Variants in FRY observed in about 807,000 individuals in gnomAD.
FRY encodes the protein FRY microtubule binding protein, also known as protein furry homolog.
FRY carries 128 observed loss-of-function variants against 348.4 expected under a neutral mutation model. The ratio of observed to expected loss-of-function variants is 0.37; its 90% CI spans 0.32 to 0.43. The LOEUF is 0.43. FRY is among the 20% of genes least tolerant of loss of function. The pLI is 1.00. For missense variants in FRY, 2,736 were observed against 3,695.2 expected (o/e 0.74, Z 6.73); for synonymous variants, 1,370 against 1,374.7 (o/e 1.00, Z 0.08).
intron 55 of FRY, among the ~76,000 whole-genome samples, chr13:32,268,859 A>C (rs1198178739): frequency 6.6e-6 from 1 of 152,100 alleles, no homozygotes; most frequent in Non-Finnish European, 1.5e-5. Context: ...ATAATAAAAA[A>C]TGCTTTTCTT....
chr13:32,224,077 G>A (rs901019763), intron 36 of FRY, among the ~76,000 whole-genome samples, 158 bp from the exon 37 acceptor site: 2 of 149,396 alleles, frequency 1.3e-5, no homozygotes, highest in African/African-American at 5.0e-5. Flanking sequence ...TCCAGCCTGG[G>A]TGCCAGCGAG....
chr13:32,244,799 C>G (rs1412393363), intron 47 of FRY, among the ~76,000 whole-genome samples: 2 of 152,088 alleles, frequency 1.3e-5, no homozygotes, highest in Non-Finnish European at 2.9e-5. Flanking sequence ...CCATAATAAA[C>G]AGTCTTTATG....
intron 22 of FRY, 73 bp downstream of exon 22, chr13:32,179,106 C>G (rs753918681): frequency 3.5e-5 from 40 of 1,137,752 alleles, no homozygotes; most frequent in Non-Finnish European, 5.3e-5. Context: ...GTTCACAGTG[C>G]AAATTGCACT....
rs1377539325 is a variant in FRY, at chr13:32,268,503, AAAATATAT to A, written c.8136+1146_8136+1153del. On this transcript the variant is annotated intron_variant, in intron 55 of 60. Coordinates refer to ENST00000542859, the MANE Select transcript of FRY (RefSeq NM_023037.3). ...AGCTAGTTTAAAAAAAAAAAAAAAAAAAATATATATATATATATATATATATATATATA... is the reference window on the plus strand; with the variant it reads ...AGCTAGTTTAAAAAAAAAAAAAAAAAATATATATATATATATATATATATA... Among the ~76,000 whole-genome samples the A allele has an allele frequency of 3.6e-3, 53 of 14,750 alleles. No individual in the cohort carries two copies. The East Asian group carries it at 0.055, about 15-fold the overall frequency. The allele number at this position is 14,750 out of a possible 152,430, so 9.7% of individuals were successfully genotyped here.
At chr13:32,193,043 A>G (rs1300529755) in intron 28 of FRY, among the ~76,000 whole-genome samples, 1 of 151,798 alleles carries the variant, frequency 6.6e-6, no homozygotes, top group Non-Finnish European at 1.5e-5. Context: ...ACTCTGGGCC[A>G]GAATGTTACT....
rs546030489 is a variant in FRY, at chr13:32,294,607, A to G, written c.8783+37A>G. On this transcript the variant is annotated intron_variant, in intron 60 of 60. Coordinates refer to ENST00000542859, the MANE Select transcript of FRY (RefSeq NM_023037.3). ...ATTTCTTTTAGAGGTGGTTGCAGGA[A>G]ATGCACACCTGGTTGTTACTCTGTC... 5.5e-6 allele frequency: 8 copies of G among 1,442,834 alleles called. No homozygotes were observed. In the South Asian group the frequency reaches 8.0e-5, roughly 14 times the overall value. 89.4% of individuals were successfully genotyped at this position (1,442,834 alleles called of 1,614,324 possible).
chr13:32,147,606 G>C (rs204572), intron 12 of FRY, among the ~76,000 whole-genome samples: 1 of 151,922 alleles, frequency 6.6e-6, no homozygotes, highest in East Asian at 1.9e-4. Flanking sequence ...TCCACTTCCA[G>C]AGTTGCATTT....
intron 10 of FRY, 113 bp from the exon 11 acceptor site, chr13:32,136,758 T>C (rs1187804056): frequency 1.3e-6 from 1 of 772,730 alleles, no homozygotes; most frequent in African/African-American, 1.7e-5. Context: ...GTGTCCTGTT[T>C]CTTGCCCACA....
At chr13:32,182,763 A>G (rs1177927387) in intron 23 of FRY, among the ~76,000 whole-genome samples, 1 of 152,248 alleles carries the variant, frequency 6.6e-6, no homozygotes, top group Non-Finnish European at 1.5e-5. Flanking sequence ...AATTATATGC[A>G]TAGCACTGGA....
chr13:32,042,158 T>A (rs1190014736), intron 1 of FRY, among the ~76,000 whole-genome samples: 2 of 151,658 alleles, frequency 1.3e-5, no homozygotes, highest in African/African-American at 4.9e-5. Flanking sequence ...GTCAACCACT[T>A]TATGAAAAGA....
In FRY at chr13:32,182,971, C is replaced by G. The variant is rs757438613; in HGVS notation, c.2997-6C>G. The G allele has an allele frequency of 4.9e-5, 78 of 1,587,636 alleles. No homozygotes were observed. Among genetic ancestry groups the G allele is most frequent in the Non-Finnish European group, 6.6e-5 (76 of 1,156,828 alleles). On this transcript the variant is annotated splice_region_variant and splice_polypyrimidine_tract_variant and intron_variant, in intron 23 of 60. Coordinates refer to ENST00000542859, the MANE Select transcript of FRY (RefSeq NM_023037.3). ...GAATTTCAAATTTGACCTTTTTCCT[C>G]CACAGAGAATTGGTAGAAGAACTTC...
In FRY at chr13:32,074,396, G is replaced by A. The variant is rs879387869; in HGVS notation, c.71-4438G>A. Among the ~76,000 whole-genome samples the A allele has an allele frequency of 5.1e-3, 783 of 152,158 alleles. 3 individuals are homozygous for A. The highest frequency in any genetic ancestry group is 0.017 in the Middle Eastern group (5 of 294). On this transcript the variant is annotated intron_variant, in intron 1 of 60. Transcript: ENST00000542859. ...TATAAAGAGAAGACAAATTTCAAACGGATTCAATAATTAGAAACCTAATTA... is the reference window on the plus strand; with the variant it reads ...TATAAAGAGAAGACAAATTTCAAACAGATTCAATAATTAGAAACCTAATTA...
chr13:32,247,428 A>G lies in FRY; in HGVS notation c.6934A>G (p.Ile2312Val), dbSNP rs200808337. ...GCACAGTGACCTCTCAAAAATAGAA[A>G]TACATCGAGTGTGGACTAGTGCTTC... The part of the protein sequence containing the change: ...YQHSDLSKIE[I>V]HRVWTSASKE... The change falls in exon 48 of 61, where the codon ATA (isoleucine) becomes GTA (valine). Residue 2312 changes from isoleucine to valine, a missense_variant. Ile to Val is a conservative substitution (Grantham distance 29, BLOSUM62 3). Transcript: ENST00000542859. 5.6e-6 allele frequency: 9 copies of G among 1,613,668 alleles called. No individual in the cohort carries two copies. The highest frequency in any genetic ancestry group is 7.6e-6 in the Non-Finnish European group (9 of 1,179,546).
chr13:32,045,757 G>A (rs976351257), intron 1 of FRY, among the ~76,000 whole-genome samples: 12 of 152,164 alleles, frequency 7.9e-5, no homozygotes, highest in Non-Finnish European at 1.6e-4. Flanking sequence ...GGCCAGAGAT[G>A]AGGTAGGAGT....
intron 1 of FRY, among the ~76,000 whole-genome samples, chr13:32,048,330 TG>T (rs1873138253): frequency 6.6e-6 from 1 of 152,206 alleles, no homozygotes; most frequent in African/African-American, 2.4e-5. Flanking sequence ...ATCTTAGCTC[TG>T]AAGTCTCTTT....
intron 28 of FRY, among the ~76,000 whole-genome samples, chr13:32,193,417 T>C (rs1306781432): frequency 1.3e-5 from 2 of 151,962 alleles, no homozygotes; most frequent in Admixed American, 6.6e-5. Context: ...GGCATCAAAA[T>C]GTTTAGGTGA....
At chr13:32,052,579 T>G (rs1239036062) in intron 1 of FRY, among the ~76,000 whole-genome samples, 3 of 152,196 alleles carry the variant, frequency 2.0e-5, no homozygotes, top group Non-Finnish European at 4.4e-5. Flanking sequence ...TAATAAAATA[T>G]TTTACCTTCT....
Position 32,289,818 on chromosome 13 carries a change from T to TTTATAACTGCCCAAG in FRY, c.8580+77_8580+91dup. ...TTTTGTTCTTCCTCACTCCACCCCT[T>TTTATAACTGCCCAAG]TTATAACTGCCCAAGTGATTTTATT... On this transcript the variant is annotated intron_variant, in intron 59 of 60. Transcript: ENST00000542859. 5 of 794,678 alleles carry TTTATAACTGCCCAAG rather than the reference T, an allele frequency of 6.3e-6. No homozygotes were observed. The South Asian group carries it at 6.8e-5, about 11-fold the overall frequency. The allele number at this position is 794,678 out of a possible 1,614,324, so 49.2% of individuals were successfully genotyped here.
chr13:32,075,330 C>G (rs1026945306), intron 1 of FRY, among the ~76,000 whole-genome samples: 3 of 152,260 alleles, frequency 2.0e-5, no homozygotes, highest in African/African-American at 7.2e-5. Context: ...AGCCCTCAAG[C>G]CTGTGAGACT....
Sources: gnomAD v4.1 joint callset for allele counts (sites outside exome capture counted in the v4.1 genomes callset) on GRCh38, gnomAD v4.1.1 for gene constraint, MANE v1.5 for transcripts, NCBI Gene and HGNC (gene_info 2026-07-23, HGNC 2026-07-21) for gene names.